Variants in RPGRIP1 observed in about 807,000 individuals in gnomAD.
RPGRIP1 encodes the protein X-linked retinitis pigmentosa GTPase regulator-interacting protein 1.
A neutral mutation model predicts 157.9 loss-of-function variants in RPGRIP1; 128 were observed. That is an observed-to-expected ratio of 0.81 (90% confidence interval 0.70 to 0.94). RPGRIP1 has a LOEUF of 0.94. Ranked by LOEUF, RPGRIP1 falls within the 40% of genes least tolerant of loss-of-function variation. The pLI, the probability that RPGRIP1 is intolerant of heterozygous loss-of-function variation, is 0.00. For synonymous variants in RPGRIP1, 554 were observed against 571.6 expected, an observed-to-expected ratio of 0.97 and a Z score of 0.44; for missense variants, 1,486 against 1,545.8, an observed-to-expected ratio of 0.96 and a Z score of 0.65.
chr14:21,288,507 CT>C (rs763706374), intron 2 of RPGRIP1, among the ~76,000 whole-genome samples: 139 of 142,130 alleles, frequency 9.8e-4, no homozygotes, highest in African/African-American at 1.3e-3. Flanking sequence ...TTCTTAAGTT[CT>C]TTTTTTTTTT....
At chr14:21,322,341 T>C (rs1454307235) in intron 14 of RPGRIP1, among the ~76,000 whole-genome samples, 1 of 152,112 alleles carries the variant, frequency 6.6e-6, no homozygotes, top group East Asian at 1.9e-4. Flanking sequence ...GTATTTTTAG[T>C]AGAGATGGGG....
chr14:21,350,976 TCAC>T, intron 24 of RPGRIP1, 125 bp from the exon 25 acceptor site: 1 of 586,124 alleles, frequency 1.7e-6, no homozygotes, highest in Non-Finnish European at 3.1e-6. Flanking sequence ...CCTTTCTCCT[TCAC>T]TAGATTGAGT....
intron 6 of RPGRIP1, 64 bp downstream of exon 6, chr14:21,303,607 T>G (rs1881134027): frequency 7.3e-6 from 9 of 1,232,434 alleles, no homozygotes; most frequent in Non-Finnish European, 1.1e-5. Flanking sequence ...GATTCTTATT[T>G]ATACCTTTCC....
intron 1 of RPGRIP1, among the ~76,000 whole-genome samples, chr14:21,287,535 G>A (rs1324881105): frequency 6.6e-6 from 1 of 152,128 alleles, no homozygotes; most frequent in Non-Finnish European, 1.5e-5. Flanking sequence ...GATTAACCCT[G>A]GTCCAATCAG....
chr14:21,308,538 T>G (rs1368037535), intron 7 of RPGRIP1, among the ~76,000 whole-genome samples: 1 of 151,614 alleles, frequency 6.6e-6, no homozygotes, highest in Non-Finnish European at 1.5e-5. Context: ...AAAGAGAGAG[T>G]AGTCAGACCC....
chr14:21,300,844 G>C, intron 3 of RPGRIP1, 122 bp from the exon 4 acceptor site: 1 of 1,144,138 alleles, frequency 8.7e-7, no homozygotes, highest in Non-Finnish European at 1.2e-6. Context: ...TTTAAAGTGT[G>C]GTTAATAGAT....
intron 22 of RPGRIP1, among the ~76,000 whole-genome samples, chr14:21,343,866 G>GTTTTTTTTTTTTTTTTTCTTTTTTTT (rs1885275310): frequency 2.0e-5 from 1 of 50,422 alleles, no homozygotes; most frequent in Non-Finnish European, 3.6e-5. Flanking sequence ...CTCTTTTCCT[G>GTTTTTTTTTTTTTTTTTCTTTTTTTT]TTTTTTTTTT....
chr14:21,342,493 A>G lies in RPGRIP1; in HGVS notation c.3340-543A>G, dbSNP rs572353290. ...CAGGATGTCAAAGCTGCAGTGAACC[A>G]TGATCACACAACTGCCCTCCAGCCT... On this transcript the variant is annotated intron_variant, in intron 21 of 24. Transcript: ENST00000400017. Among the ~76,000 whole-genome samples the G allele has an allele frequency of 4.0e-5, 6 of 151,658 alleles. No individual in the cohort carries two copies. In the South Asian group the frequency reaches 1.3e-3, roughly 32 times the overall value.
At chr14:21,321,514 G>A in intron 13 of RPGRIP1, 112 bp downstream of exon 13, 1 of 1,484,370 alleles carries the variant, frequency 6.7e-7, no homozygotes, top group Non-Finnish European at 8.9e-7. Flanking sequence ...CAGGTGATGT[G>A]CTATCCTGAG....
intron 1 of RPGRIP1, among the ~76,000 whole-genome samples, chr14:21,281,359 C>T (rs965713686): frequency 3.3e-5 from 5 of 152,080 alleles, no homozygotes; most frequent in Admixed American, 6.6e-5. Context: ...ACCTCATATG[C>T]TCATCAATTT....
intron 18 of RPGRIP1, 95 bp from the exon 19 acceptor site, chr14:21,328,329 A>G (rs959926910): frequency 2.3e-6 from 2 of 870,854 alleles, no homozygotes; most frequent in Admixed American, 2.6e-5. Flanking sequence ...ATGAGGAGAG[A>G]AATGAAGTCT....
intron 17 of RPGRIP1, 121 bp from the exon 18 acceptor site, chr14:21,327,502 A>G: frequency 1.3e-6 from 1 of 771,294 alleles, no homozygotes; most frequent in South Asian, 1.7e-5. Context: ...AATGGATGTT[A>G]ATTAATTGCT....
intron 23 of RPGRIP1, among the ~76,000 whole-genome samples, chr14:21,345,678 T>A (rs1201295817): frequency 6.6e-6 from 1 of 152,230 alleles, no homozygotes; most frequent in Admixed American, 6.5e-5. Context: ...GTGCTGGGAT[T>A]ACAGGCGTGA....
chr14:21,281,698 A>G (rs1197256191), intron 1 of RPGRIP1, among the ~76,000 whole-genome samples: 2 of 103,032 alleles, frequency 1.9e-5, no homozygotes. Context: ...CAAAAAAAAA[A>G]AAAATAAATA....
At chr14:21,330,899 AT>A (rs1361444391) in intron 20 of RPGRIP1, among the ~76,000 whole-genome samples, 5 of 151,494 alleles carry the variant, frequency 3.3e-5, no homozygotes, top group Non-Finnish European at 7.4e-5. Context: ...TTGCCCCAGG[AT>A]TTTTTTGTTT....
chr14:21,349,825 A>G (rs541805296), intron 24 of RPGRIP1, among the ~76,000 whole-genome samples: 1 of 152,328 alleles, frequency 6.6e-6, no homozygotes, highest in Admixed American at 6.5e-5. Flanking sequence ...AGTTTGCTAT[A>G]GATCAGCATG....
chr14:21,315,797 A>ATTTTTT (rs1352601471), intron 10 of RPGRIP1, among the ~76,000 whole-genome samples: 1 of 143,916 alleles, frequency 6.9e-6, no homozygotes, highest in African/African-American at 2.6e-5. Flanking sequence ...TATTATTATT[A>ATTTTTT]TTATTATTAT....
At chr14:21,342,994 C>A in intron 21 of RPGRIP1, 42 bp from the exon 22 acceptor site, 1 of 1,497,900 alleles carries the variant, frequency 6.7e-7, no homozygotes, top group South Asian at 1.2e-5. Context: ...CACTTGGAGC[C>A]TCACTAACCT....
chr14:21,285,791 AT>A (rs895622760), intron 1 of RPGRIP1, among the ~76,000 whole-genome samples: 1 of 151,902 alleles, frequency 6.6e-6, no homozygotes, highest in Non-Finnish European at 1.5e-5. Flanking sequence ...TTTAAGTGTA[AT>A]GAAAAGCCAT....
Sources: allele counts gnomAD v4.1 joint callset (sites outside exome capture counted in the v4.1 genomes callset), GRCh38; gene constraint gnomAD v4.1.1; transcripts MANE v1.5; gene names NCBI Gene and HGNC (gene_info 2026-07-23, HGNC 2026-07-21).